CADM2: variants seen among roughly 807,000 people sequenced by gnomAD.
CADM2 encodes the protein immunoglobulin superfamily member 4D.
Under a neutral mutation model 49.8 loss-of-function variants are expected in CADM2, and 12 were observed. That is an observed-to-expected ratio of 0.24 (90% CI 0.15 to 0.39). CADM2 has a LOEUF of 0.39. CADM2 is among the 10% of genes least tolerant of loss of function. The pLI is 1.00. For missense variants in CADM2, 378 were observed against 492.3 expected (o/e 0.77, Z 2.20); for synonymous variants, 214 against 175.4 (o/e 1.22, Z -1.74).
intron 1 of CADM2, among the ~76,000 whole-genome samples, chr3:85,379,938 A>G (rs1209777690): frequency 6.6e-6 from 1 of 152,012 alleles, no homozygotes; most frequent in Non-Finnish European, 1.5e-5. Context: ...AAAAATGCAC[A>G]TTCTACGCAA....
At chr3:85,792,969 A>T (rs1346469669) in intron 2 of CADM2, among the ~76,000 whole-genome samples, 1 of 152,096 alleles carries the variant, frequency 6.6e-6, no homozygotes, top group African/African-American at 2.4e-5. Context: ...CTTGGTGGTT[A>T]GACAGTGAAG....
chr3:86,009,496 T>C (rs903149998), intron 8 of CADM2, among the ~76,000 whole-genome samples: 2 of 151,582 alleles, frequency 1.3e-5, no homozygotes, highest in African/African-American at 4.8e-5. Flanking sequence ...TAGGATACTT[T>C]TAAATGAAGC....
chr3:85,628,152 A>G (rs2064181330), intron 1 of CADM2, among the ~76,000 whole-genome samples: 1 of 152,050 alleles, frequency 6.6e-6, no homozygotes, highest in South Asian at 2.1e-4. Context: ...GAAGAAGTGG[A>G]TCCCTGCCAG....
intron 1 of CADM2, among the ~76,000 whole-genome samples, chr3:85,449,083 A>ATAATAATAATAATAATAATT (rs59973385): frequency 2.7e-5 from 4 of 148,230 alleles, no homozygotes; most frequent in Non-Finnish European, 6.0e-5. Flanking sequence ...TAATGATAAA[A>ATAATAATAATAATAATAATT]ATTATATAAT....
chr3:85,754,477 G>T (rs529102439), intron 2 of CADM2, among the ~76,000 whole-genome samples: 1 of 152,240 alleles, frequency 6.6e-6, no homozygotes, highest in South Asian at 2.1e-4. Flanking sequence ...CTCACCGTAA[G>T]CCTAGAAAGG....
intron 1 of CADM2, among the ~76,000 whole-genome samples, chr3:85,708,587 G>GT (rs2067020161): frequency 1.3e-5 from 2 of 152,132 alleles, no homozygotes; most frequent in South Asian, 4.1e-4. Context: ...ATGGATCACT[G>GT]TAAGTCTTTA....
At chr3:86,047,965 C>A (rs1411684207) in intron 8 of CADM2, among the ~76,000 whole-genome samples, 1 of 152,084 alleles carries the variant, frequency 6.6e-6, no homozygotes, top group East Asian at 1.9e-4. Context: ...GTTAGCAAAA[C>A]TTTAATGTTG....
At chr3:85,248,482 C>A (rs1251016401) in intron 1 of CADM2, among the ~76,000 whole-genome samples, 1 of 152,082 alleles carries the variant, frequency 6.6e-6, no homozygotes, top group Non-Finnish European at 1.5e-5. Context: ...CACCATGTTA[C>A]CCCGGCTGGT....
At chr3:85,920,746 T>G (rs991384438) in intron 6 of CADM2, among the ~76,000 whole-genome samples, 23 of 151,306 alleles carry the variant, frequency 1.5e-4, no homozygotes, top group Admixed American at 1.1e-3. Flanking sequence ...ATTCAAAATG[T>G]TGTTATTGTG....
chr3:85,531,765 TA>T (rs1358175759), intron 1 of CADM2, among the ~76,000 whole-genome samples: 1 of 152,058 alleles, frequency 6.6e-6, no homozygotes, highest in Non-Finnish European at 1.5e-5. Context: ...GGTAGAAAAA[TA>T]AAAAAGTATA....
At chr3:85,008,010 TAA>T (rs1421842154) in intron 1 of CADM2, among the ~76,000 whole-genome samples, 1 of 152,136 alleles carries the variant, frequency 6.6e-6, no homozygotes, top group East Asian at 1.9e-4. Flanking sequence ...TCATAATTCA[TAA>T]ATATTCCTAT....
At position 85,528,523 on chromosome 3, in the gene CADM2, A is replaced by G. The variant is rs367547997; in HGVS notation, c.62-197999A>G. On this transcript the variant is annotated intron_variant, in intron 1 of 9. Coordinates refer to ENST00000383699, the MANE Select transcript of CADM2 (RefSeq NM_001167675.2). ...CTTACAAATTAAATGAAAGTAGTCA[A>G]TGTACTTACTTTTCAGTCTTCATTA... 1.1e-3 allele frequency among the ~76,000 whole-genome samples: 175 copies of G among 152,308 alleles called. 2 individuals are homozygous for G. The South Asian group carries it at 0.019, about 16-fold the overall frequency.
chr3:85,591,158 G>T (rs2063097094), intron 1 of CADM2, among the ~76,000 whole-genome samples: 1 of 151,890 alleles, frequency 6.6e-6, no homozygotes. Flanking sequence ...GTCCTTTTAA[G>T]CCTGTTATTC....
chr3:85,593,862 C>T (rs1023080534), intron 1 of CADM2, among the ~76,000 whole-genome samples: 1 of 151,826 alleles, frequency 6.6e-6, no homozygotes, highest in African/African-American at 2.4e-5. Context: ...CACCCCTTCC[C>T]TCATATGAAC....
chr3:85,678,985 G>A (rs962294678), intron 1 of CADM2, among the ~76,000 whole-genome samples: 4 of 152,260 alleles, frequency 2.6e-5, no homozygotes, highest in South Asian at 2.1e-4. Flanking sequence ...CATGTCAAGA[G>A]GCTGAGGTTG....
chr3:85,922,828 GT>G (rs34787908), intron 6 of CADM2, among the ~76,000 whole-genome samples: 48 of 145,440 alleles, frequency 3.3e-4, no homozygotes, highest in African/African-American at 4.0e-4. Flanking sequence ...ATTTTTTGTT[GT>G]TTTTTTTTTT....
intron 1 of CADM2, among the ~76,000 whole-genome samples, chr3:85,544,596 TA>T (rs765891086): frequency 2.6e-5 from 4 of 150,946 alleles, no homozygotes; most frequent in African/African-American, 7.3e-5. Context: ...AAATAAAAAA[TA>T]AAAAAAAGAG....
At chr3:85,949,980 T>C (rs1035066933) in intron 7 of CADM2, among the ~76,000 whole-genome samples, 2 of 151,104 alleles carry the variant, frequency 1.3e-5, no homozygotes, top group African/African-American at 4.8e-5. Context: ...ATTGTTCTTA[T>C]GATGTACGCA....
At chr3:85,579,552 A>G (rs548620219) in intron 1 of CADM2, among the ~76,000 whole-genome samples, 3 of 152,304 alleles carry the variant, frequency 2.0e-5, no homozygotes, top group Non-Finnish European at 2.9e-5. Context: ...CAAGTTTGTT[A>G]ACATGCAATG....
Sources: gnomAD v4.1 joint callset for allele counts (sites outside exome capture counted in the v4.1 genomes callset) on GRCh38, gnomAD v4.1.1 for gene constraint, MANE v1.5 for transcripts, NCBI Gene and HGNC (gene_info 2026-07-23, HGNC 2026-07-21) for gene names.